The following ROBO1 variants were observed in gnomAD, a reference collection of about 807,000 sequenced individuals.
The protein encoded by ROBO1 is roundabout guidance receptor 1.
A neutral mutation model predicts 195.9 loss-of-function variants in ROBO1; 149 were observed. The observed-to-expected ratio is 0.76, with a 90% CI of 0.67 to 0.87. The LOEUF (loss-of-function observed/expected upper bound fraction) is 0.87. Among genes scored for constraint, ROBO1 ranks in the 40% least tolerant of loss-of-function variants. The pLI is 0.00. For synonymous variants in ROBO1, 816 were observed against 733.2 expected (o/e 1.11, Z -1.82); for missense variants, 1,933 against 2,068.3 (o/e 0.93, Z 1.27).
intron 4 of ROBO1, among the ~76,000 whole-genome samples, chr3:78,810,237 T>C (rs1576210868): frequency 6.6e-6 from 1 of 152,364 alleles, no homozygotes; most frequent in East Asian, 1.9e-4. Context: ...TTCTATGCTA[T>C]TAATTTGTTT....
chr3:79,600,486 A>G (rs1197658133), intron 1 of ROBO1, among the ~76,000 whole-genome samples: 1 of 151,960 alleles, frequency 6.6e-6, no homozygotes, highest in Non-Finnish European at 1.5e-5. Flanking sequence ...GAAACAGAAC[A>G]GTTGTTTAGC....
chr3:79,370,447 A>G (rs1036174092), intron 2 of ROBO1, among the ~76,000 whole-genome samples: 13 of 152,080 alleles, frequency 8.5e-5, no homozygotes, highest in Non-Finnish European at 1.6e-4. Flanking sequence ...AACCCTATGC[A>G]TGGGTAAGAC....
intron 1 of ROBO1, among the ~76,000 whole-genome samples, chr3:79,736,255 G>A (rs1413865576): frequency 6.6e-6 from 1 of 152,186 alleles, no homozygotes; most frequent in Non-Finnish European, 1.5e-5. Flanking sequence ...ATAGAGAGCA[G>A]GCTACTGAGG....
chr3:78,781,683 C>A (rs1398742041), intron 4 of ROBO1, among the ~76,000 whole-genome samples: 1 of 146,570 alleles, frequency 6.8e-6, no homozygotes, highest in Non-Finnish European at 1.5e-5. Context: ...TTGAGAACAA[C>A]TCTTCTTGAT....
chr3:79,265,779 G>A (rs936876376), intron 2 of ROBO1, among the ~76,000 whole-genome samples: 1 of 151,458 alleles, frequency 6.6e-6, no homozygotes, highest in East Asian at 1.9e-4. Context: ...GAATAATCAT[G>A]TCATATTTTT....
In ROBO1 at chr3:79,467,697, C is replaced by T. The variant is rs563464990; in HGVS notation, c.88+122127G>A. On this transcript the variant is annotated intron_variant, in intron 2 of 30. Coordinates refer to ENST00000464233, the MANE Select transcript of ROBO1 (RefSeq NM_002941.4). ...TCACATTTACCATCCTTCCATTTGT[C>T]CGTGTGACCTGATTCTTCCTGGATG... 3.9e-5 allele frequency among the ~76,000 whole-genome samples: 6 copies of T among 152,238 alleles called. No individual in the cohort carries two copies. In the South Asian group the frequency reaches 1.0e-3, roughly 26 times the overall value.
chr3:78,817,039 G>A (rs1157246248), intron 4 of ROBO1, among the ~76,000 whole-genome samples: 2 of 152,128 alleles, frequency 1.3e-5, no homozygotes, highest in South Asian at 2.1e-4. Flanking sequence ...TTATAAAGCA[G>A]TGGCAAGGTT....
chr3:79,024,311 T>C lies in ROBO1; in HGVS notation c.173-85384A>G, dbSNP rs145822818. On this transcript the variant is annotated intron_variant, in intron 3 of 30. Coordinates refer to ENST00000464233, the MANE Select transcript of ROBO1 (RefSeq NM_002941.4). ...GTCGGGCTAGAATTTACTCCTTTAA[T>C]GTGAAGAGGGGGTGAGCTTTTGAAG... is the stretch of plus-strand genomic sequence containing the variant. 2.3e-3 allele frequency among the ~76,000 whole-genome samples: 349 copies of C among 152,222 alleles called. 8 individuals are homozygous for C. The East Asian group carries it at 0.055, about 24-fold the overall frequency.
intron 8 of ROBO1, among the ~76,000 whole-genome samples, chr3:78,695,734 A>G (rs2081275505): frequency 6.6e-6 from 1 of 152,124 alleles, no homozygotes; most frequent in South Asian, 2.1e-4. Flanking sequence ...CTAAAACATG[A>G]GAGGTTTTGG....
In ROBO1 at chr3:79,018,482, A is replaced by G. The variant is rs755406234; in HGVS notation, c.173-79555T>C. 38 of 1,613,674 alleles carry G rather than the reference A, an allele frequency of 2.4e-5. No homozygotes were observed. In the Admixed American group the frequency reaches 2.7e-4, roughly 11 times the overall value. On this transcript the variant is annotated intron_variant, in intron 3 of 30. Coordinates refer to ENST00000464233, the MANE Select transcript of ROBO1 (RefSeq NM_002941.4). ...ATCATTGTCCTCGGGTGGATCCTGT[A>G]TACAGTCTCATGCCAAGAGGAGGGA...
At chr3:79,170,843 C>T (rs1184346527) in intron 2 of ROBO1, among the ~76,000 whole-genome samples, 1 of 152,122 alleles carries the variant, frequency 6.6e-6, no homozygotes, top group Middle Eastern at 3.4e-3. Flanking sequence ...ATGTTGAATA[C>T]TTGCATCAAT....
intron 2 of ROBO1, among the ~76,000 whole-genome samples, chr3:79,507,144 C>T (rs1260464772): frequency 2.0e-5 from 3 of 152,048 alleles, no homozygotes; most frequent in Admixed American, 1.3e-4. Flanking sequence ...GCACATTAGC[C>T]GGTTTATTAA....
intron 14 of ROBO1, among the ~76,000 whole-genome samples, chr3:78,663,790 T>C (rs1707573471): frequency 6.6e-6 from 1 of 152,216 alleles, no homozygotes; most frequent in African/African-American, 2.4e-5. Flanking sequence ...TGTTGCTTAA[T>C]AAACATAGGT....
chr3:79,390,389 C>T (rs1440486073), intron 2 of ROBO1, among the ~76,000 whole-genome samples: 2 of 151,948 alleles, frequency 1.3e-5, no homozygotes, highest in Non-Finnish European at 2.9e-5. Flanking sequence ...ACTCTACAAG[C>T]TCATTTAGAG....
At chr3:79,155,441 A>G (rs879707023) in intron 2 of ROBO1, among the ~76,000 whole-genome samples, 6 of 151,810 alleles carry the variant, frequency 4.0e-5, no homozygotes, top group Non-Finnish European at 8.8e-5. Flanking sequence ...ACTTTTTCCA[A>G]AAATAAGACC....
chr3:79,172,710 T>C (rs924690189), intron 2 of ROBO1, among the ~76,000 whole-genome samples: 2 of 152,286 alleles, frequency 1.3e-5, no homozygotes, highest in South Asian at 4.1e-4. Flanking sequence ...CTACTGTGTC[T>C]ACCCTGAGCA....
chr3:78,942,590 A>G (rs891695480), intron 3 of ROBO1, among the ~76,000 whole-genome samples: 8 of 152,216 alleles, frequency 5.3e-5, no homozygotes, highest in African/African-American at 1.9e-4. Context: ...TCTATTCAGT[A>G]TGAGACATGA....
intron 2 of ROBO1, among the ~76,000 whole-genome samples, chr3:79,492,871 G>A (rs1195429292): frequency 6.6e-6 from 1 of 151,912 alleles, no homozygotes; most frequent in African/African-American, 2.4e-5. Flanking sequence ...ACACAACTAA[G>A]ACCTTAACAC....
At chr3:79,215,428 G>A (rs2082039873) in intron 2 of ROBO1, among the ~76,000 whole-genome samples, 1 of 151,990 alleles carries the variant, frequency 6.6e-6, no homozygotes, top group African/African-American at 2.4e-5. Flanking sequence ...GAAGGAGTTT[G>A]TGATATATCT....
Sources: allele counts gnomAD v4.1 joint callset (sites outside exome capture counted in the v4.1 genomes callset), GRCh38; gene constraint gnomAD v4.1.1; transcripts MANE v1.5; gene names NCBI Gene and HGNC (gene_info 2026-07-23, HGNC 2026-07-21).